Variants in MEOX2 observed in about 807,000 individuals in gnomAD.
The protein encoded by MEOX2 is homeobox protein MOX-2.
Under a neutral mutation model 27.0 loss-of-function variants are expected in MEOX2, and 11 were observed. The observed-to-expected ratio is 0.41, with a 90% CI of 0.26 to 0.68. The LOEUF is 0.68. MEOX2 is among the 30% of genes least tolerant of loss of function. The pLI, the probability that MEOX2 is intolerant of heterozygous loss-of-function variation, is 0.33. For synonymous variants in MEOX2, 189 were observed against 155.4 expected, an observed-to-expected ratio of 1.22 and a Z score of -1.61; for missense variants, 436 against 385.4, an observed-to-expected ratio of 1.13 and a Z score of -1.10.
Position 15,685,971 on chromosome 7 carries a change from G to C in MEOX2, c.432C>G (p.Cys144Trp). The change falls in exon 1 of 3, where the codon TGC becomes TGG. Residue 144 changes from cysteine to tryptophan, a missense_variant. Physicochemically the swap from Cys to Trp is radical, Grantham distance 215. Transcript: ENST00000262041. ...CCTGGCGGCCGTAGTCCCCCGGCGC[G>C]CACGCGGCCCCAGTCGGGGTGCTGG... ...LGSSTPTGAA[C>W]APGDYGRQAL... 6.2e-7 allele frequency: 1 copy of C among 1,610,784 alleles called. No homozygotes were observed. Among genetic ancestry groups the C allele is most frequent in the Non-Finnish European group, 8.5e-7 (1 of 1,179,700 alleles).
chr7:15,612,296 C>T lies in MEOX2; in HGVS notation c.*91G>A. 1 of 994,214 alleles carries T rather than the reference C, an allele frequency of 1.0e-6. No individual in the cohort carries two copies. Among genetic ancestry groups the T allele is most frequent in the Non-Finnish European group, 1.6e-6 (1 of 629,296 alleles). The allele number at this position is 994,214 out of a possible 1,614,324, so 61.6% of individuals were successfully genotyped here. A position where few individuals can be genotyped will look rare whatever the true frequency, so the allele number is the denominator to read the frequency against. On this transcript the variant is annotated 3_prime_UTR_variant, in exon 3 of 3. Coordinates refer to ENST00000262041, the MANE Select transcript of MEOX2 (RefSeq NM_005924.5). ...GATTTAATAATATTAAACATCACTG[C>T]CATAGTCATCTCTCTGTGTAAACGA...
chr7:15,682,732 T>C (rs867145622), intron 1 of MEOX2, among the ~76,000 whole-genome samples: 2 of 151,920 alleles, frequency 1.3e-5, no homozygotes, highest in African/African-American at 4.8e-5. Context: ...CCAAATGTAA[T>C]TGAAGCCAAG....
intron 1 of MEOX2, among the ~76,000 whole-genome samples, chr7:15,661,684 G>C (rs989212783): frequency 9.9e-5 from 15 of 152,162 alleles, no homozygotes; most frequent in Admixed American, 9.2e-4. Flanking sequence ...GTGTAAGACA[G>C]AATGCATTTA....
chr7:15,643,063 T>C (rs1264088770), intron 1 of MEOX2, among the ~76,000 whole-genome samples: 1 of 152,132 alleles, frequency 6.6e-6, no homozygotes, highest in Non-Finnish European at 1.5e-5. Flanking sequence ...GGTCATGCAG[T>C]TTATGCTACA....
chr7:15,666,195 C>A (rs1478639280), intron 1 of MEOX2, among the ~76,000 whole-genome samples: 1 of 152,158 alleles, frequency 6.6e-6, no homozygotes, highest in Non-Finnish European at 1.5e-5. Flanking sequence ...GTCCTCGAAA[C>A]ATGGGAGAGC....
At chr7:15,680,087 T>C (rs1445069003) in intron 1 of MEOX2, 1 of 151,840 alleles carries the variant, frequency 6.6e-6, no homozygotes, top group Non-Finnish European at 1.5e-5. Context: ...AAATTTCAAA[T>C]ATAGAGGAAA....
chr7:15,671,922 A>G (rs1398543562), intron 1 of MEOX2, among the ~76,000 whole-genome samples: 1 of 151,708 alleles, frequency 6.6e-6, no homozygotes, highest in Non-Finnish European at 1.5e-5. Flanking sequence ...ATCTCTACTA[A>G]TCTCTACTAA....
At chr7:15,640,240 T>TTGTG (rs1260996607) in intron 1 of MEOX2, among the ~76,000 whole-genome samples, 2 of 148,684 alleles carry the variant, frequency 1.3e-5, no homozygotes, top group Non-Finnish European at 3.0e-5. Context: ...TGTTTGGGGG[T>TTGTG]TGTGTGTGTG....
In MEOX2 at chr7:15,686,452, G is replaced by A. The variant is rs1160150253; in HGVS notation, c.-50C>T. 2.0e-6 allele frequency: 3 copies of A among 1,478,520 alleles called. No homozygotes were observed. The highest frequency in any genetic ancestry group is 2.7e-6 in the Non-Finnish European group (3 of 1,098,724). 91.6% of individuals were successfully genotyped at this position (1,478,520 alleles called of 1,614,324 possible). On this transcript the variant is annotated 5_prime_UTR_variant, in exon 1 of 3. Coordinates refer to ENST00000262041, the MANE Select transcript of MEOX2 (RefSeq NM_005924.5). ...CAGAAGACTTCACGGCGGTTCCAAA[G>A]GCCACCACCCTCTGTCACTTTTTCA...
intron 1 of MEOX2, among the ~76,000 whole-genome samples, chr7:15,671,123 A>G (rs567811706): frequency 1.1e-3 from 174 of 152,330 alleles, no homozygotes; most frequent in African/African-American, 4.0e-3. Flanking sequence ...TAATTTTCCA[A>G]TATAAAAATT....
chr7:15,668,448 G>A (rs1782043550), intron 1 of MEOX2, among the ~76,000 whole-genome samples: 1 of 152,022 alleles, frequency 6.6e-6, no homozygotes, highest in Non-Finnish European at 1.5e-5. Flanking sequence ...CTGGGCAATA[G>A]TAGGCTAGTA....
At chr7:15,649,436 A>C (rs2115375953) in intron 1 of MEOX2, among the ~76,000 whole-genome samples, 1 of 152,200 alleles carries the variant, frequency 6.6e-6, no homozygotes, top group African/African-American at 2.4e-5. Context: ...TGGATGATGA[A>C]AGATGGAAAA....
chr7:15,686,311 C>T lies in MEOX2; in HGVS notation c.92G>A (p.Gly31Glu), dbSNP rs2115401506. ...GGGGTAAGACATATGGTCAGATCTT[C>T]CATGGAGGGCGAGAGAGGATTGGGA... is the stretch of plus-strand genomic sequence containing the variant. Reference protein sequence around the residue: ...PFSQSSLALHGRSDHMSYPEL... With the variant: ...PFSQSSLALHERSDHMSYPEL... The change falls in exon 1 of 3, where the codon GGA (glycine) becomes GAA (glutamate). Residue 31 changes from glycine to glutamate, a missense_variant. Transcript: ENST00000262041. 2 of 1,609,344 alleles carry T rather than the reference C, an allele frequency of 1.2e-6. No individual in the cohort carries two copies. The highest frequency in any genetic ancestry group is 1.7e-6 in the Non-Finnish European group (2 of 1,177,632).
At chr7:15,673,268 A>G (rs1281074103) in intron 1 of MEOX2, among the ~76,000 whole-genome samples, 1 of 152,240 alleles carries the variant, frequency 6.6e-6, no homozygotes, top group African/African-American at 2.4e-5. Context: ...ATGTAAGTGT[A>G]GTCTTCTGCA....
At chr7:15,618,449 A>T (rs1174851751) in intron 2 of MEOX2, among the ~76,000 whole-genome samples, 1 of 152,014 alleles carries the variant, frequency 6.6e-6, no homozygotes, top group Non-Finnish European at 1.5e-5. Context: ...TCTTGTTCAA[A>T]CTACTGAGAC....
At chr7:15,676,743 A>G (rs1782199627) in intron 1 of MEOX2, among the ~76,000 whole-genome samples, 1 of 151,976 alleles carries the variant, frequency 6.6e-6, no homozygotes, top group Admixed American at 6.6e-5. Context: ...CTGTAGTCCC[A>G]GCTACTCAGG....
intron 1 of MEOX2, among the ~76,000 whole-genome samples, chr7:15,637,064 GACTA>G (rs1319795384): frequency 6.6e-6 from 1 of 151,990 alleles, no homozygotes; most frequent in Non-Finnish European, 1.5e-5. Flanking sequence ...ATATTTTAGA[GACTA>G]ACTTTAATAT....
chr7:15,614,494 A>G (rs1781090431), intron 2 of MEOX2, among the ~76,000 whole-genome samples: 1 of 152,126 alleles, frequency 6.6e-6, no homozygotes, highest in African/African-American at 2.4e-5. Context: ...TCTGAAGAAT[A>G]GGCTTAACTT....
chr7:15,676,836 C>A (rs930660700), intron 1 of MEOX2, among the ~76,000 whole-genome samples: 1 of 149,328 alleles, frequency 6.7e-6, no homozygotes. Flanking sequence ...CCAGCCTGGG[C>A]AACAGAACAA....
Sources: allele counts gnomAD v4.1 joint callset (sites outside exome capture counted in the v4.1 genomes callset), GRCh38; gene constraint gnomAD v4.1.1; transcripts MANE v1.5; gene names NCBI Gene and HGNC (gene_info 2026-07-23, HGNC 2026-07-21).